Variants in GRM7 observed in about 807,000 individuals in gnomAD.
GRM7 encodes the protein glutamate metabotropic receptor 7.
In GRM7, 35 loss-of-function variants were observed where a neutral mutation model predicts 84.5. The observed-to-expected ratio is 0.41, with a 90% CI of 0.32 to 0.55. GRM7 has a LOEUF of 0.55. Among genes scored for constraint, GRM7 ranks in the 20% least tolerant of loss-of-function variants. GRM7 has a pLI of 0.19. For missense variants in GRM7, 1,003 were observed against 1,194.6 expected, an observed-to-expected ratio of 0.84 and a Z score of 2.36; for synonymous variants, 487 against 455.1, an observed-to-expected ratio of 1.07 and a Z score of -0.89.
chr3:7,442,568 CCTTATGT>C (rs1392490415), intron 5 of GRM7, among the ~76,000 whole-genome samples: 1 of 152,078 alleles, frequency 6.6e-6, no homozygotes, highest in East Asian at 1.9e-4. Context: ...AGATTAATTC[CCTTATGT>C]CTTCTCTGTG....
chr3:7,717,474 T>G (rs1211821166), intron 9 of GRM7, among the ~76,000 whole-genome samples: 1 of 152,210 alleles, frequency 6.6e-6, no homozygotes, highest in Admixed American at 6.5e-5. Context: ...CACAGGGCTT[T>G]CAAATACATC....
At chr3:7,282,175 C>T (rs1699275619) in intron 2 of GRM7, among the ~76,000 whole-genome samples, 1 of 152,182 alleles carries the variant, frequency 6.6e-6, no homozygotes, top group Non-Finnish European at 1.5e-5. Flanking sequence ...CCCATGTTCT[C>T]CAAACTGTCA....
At chr3:7,024,009 T>C (rs528600039) in intron 1 of GRM7, among the ~76,000 whole-genome samples, 2 of 152,278 alleles carry the variant, frequency 1.3e-5, no homozygotes, top group East Asian at 1.9e-4. Context: ...TGAAATCTTA[T>C]GGAAGAGGCG....
At chr3:7,335,075 T>G (rs1227294582) in intron 4 of GRM7, among the ~76,000 whole-genome samples, 1 of 152,036 alleles carries the variant, frequency 6.6e-6, no homozygotes, top group Non-Finnish European at 1.5e-5. Context: ...TAACAGATAT[T>G]TACAGAACAT....
At chr3:7,439,755 G>A (rs1697210480) in intron 5 of GRM7, among the ~76,000 whole-genome samples, 1 of 152,174 alleles carries the variant, frequency 6.6e-6, no homozygotes, top group South Asian at 2.1e-4. Context: ...GAGCCCTGGG[G>A]GAAGCAGTGT....
intron 2 of GRM7, among the ~76,000 whole-genome samples, chr3:7,192,160 G>C (rs1290641104): frequency 1.3e-5 from 2 of 152,152 alleles, no homozygotes; most frequent in African/African-American, 4.8e-5. Flanking sequence ...CGTGGTTTCA[G>C]ACTTCAGTGT....
intron 9 of GRM7, among the ~76,000 whole-genome samples, chr3:7,728,962 C>A (rs931925456): frequency 6.6e-6 from 1 of 152,128 alleles, no homozygotes; most frequent in Admixed American, 6.5e-5. Context: ...GTAATTGGCA[C>A]CTCCTACCTA....
At chr3:6,867,952 A>G (rs915043795) in intron 1 of GRM7, among the ~76,000 whole-genome samples, 1 of 152,214 alleles carries the variant, frequency 6.6e-6, no homozygotes, top group African/African-American at 2.4e-5. Context: ...TTAGATTACA[A>G]AATCAAAAAT....
intron 4 of GRM7, among the ~76,000 whole-genome samples, chr3:7,332,521 A>G (rs954508904): frequency 6.6e-4 from 100 of 152,346 alleles, no homozygotes; most frequent in African/African-American, 2.4e-3. Context: ...TGGTTTATAT[A>G]TGAATGAATA....
At chr3:7,071,633 A>T (rs1329651946) in intron 1 of GRM7, among the ~76,000 whole-genome samples, 1 of 152,130 alleles carries the variant, frequency 6.6e-6, no homozygotes, top group Non-Finnish European at 1.5e-5. Flanking sequence ...AAAACAAGAA[A>T]GGATATTTTA....
intron 2 of GRM7, among the ~76,000 whole-genome samples, chr3:7,246,508 T>A (rs1697766357): frequency 1.3e-5 from 2 of 152,114 alleles, no homozygotes; most frequent in Admixed American, 6.6e-5. Flanking sequence ...TGTCATCACT[T>A]GGTAGATCAA....
intron 2 of GRM7, among the ~76,000 whole-genome samples, chr3:7,234,665 T>C (rs1227492218): frequency 6.6e-6 from 1 of 152,190 alleles, no homozygotes; most frequent in Non-Finnish European, 1.5e-5. Context: ...TCAGATATTT[T>C]TCTGGCAACA....
chr3:7,235,203 C>A (rs562262343), intron 2 of GRM7, among the ~76,000 whole-genome samples: 1 of 152,306 alleles, frequency 6.6e-6, no homozygotes, highest in African/African-American at 2.4e-5. Context: ...TGCCTTCCTT[C>A]CTTTGTATTT....
intron 1 of GRM7, among the ~76,000 whole-genome samples, chr3:6,996,172 C>T (rs1408763948): frequency 6.6e-6 from 1 of 152,098 alleles, no homozygotes; most frequent in Non-Finnish European, 1.5e-5. Context: ...CCTCAACCTC[C>T]CAAGTAGCTG....
chr3:6,910,797 G>A (rs781707797), intron 1 of GRM7, among the ~76,000 whole-genome samples: 32 of 152,078 alleles, frequency 2.1e-4, no homozygotes, highest in Non-Finnish European at 1.0e-4. Context: ...GTTGAAGATG[G>A]GTAATCTGTG....
chr3:7,660,472 A>T (rs1164197488), intron 8 of GRM7, among the ~76,000 whole-genome samples: 1 of 152,254 alleles, frequency 6.6e-6, no homozygotes, highest in Non-Finnish European at 1.5e-5. Context: ...ACATATGAAA[A>T]ATTATAAAAT....
chr3:7,297,744 T>C lies in GRM7; in HGVS notation c.737-940T>C, dbSNP rs1296569611. On this transcript the variant is annotated intron_variant, in intron 2 of 9. Transcript: ENST00000357716. ...AACACATTACACATTAGAGTAAGGT[T>C]TTTTACCTGTCTCTGCCCCTGGGTC... 2.6e-5 allele frequency among the ~76,000 whole-genome samples: 4 copies of C among 152,208 alleles called. No homozygotes were observed. In the East Asian group the frequency reaches 7.7e-4, roughly 29 times the overall value.
chr3:7,091,100 A>G (rs1698647306), intron 1 of GRM7, among the ~76,000 whole-genome samples: 1 of 152,032 alleles, frequency 6.6e-6, no homozygotes, highest in South Asian at 2.1e-4. Context: ...TCAAATTTGC[A>G]TTTTGTACAA....
chr3:7,647,752 T>C (rs955839989), intron 8 of GRM7, among the ~76,000 whole-genome samples: 48 of 152,092 alleles, frequency 3.2e-4, no homozygotes, highest in African/African-American at 1.1e-3. Context: ...AGACAACAAA[T>C]GTGCTACAGG....
Sources: allele counts gnomAD v4.1 joint callset (sites outside exome capture counted in the v4.1 genomes callset), GRCh38; gene constraint gnomAD v4.1.1; transcripts MANE v1.5; gene names NCBI Gene and HGNC (gene_info 2026-07-23, HGNC 2026-07-21).